The following CASP5 variants were observed in gnomAD, a reference collection of about 807,000 sequenced individuals.
The protein encoded by CASP5 is caspase-5.
Under a neutral mutation model 45.2 loss-of-function variants are expected in CASP5, and 42 were observed. The observed-to-expected ratio is 0.93, with a 90% CI of 0.73 to 1.20. CASP5 has a LOEUF of 1.20. CASP5 is among the 50% of genes most tolerant of loss of function. The pLI, the probability that CASP5 is intolerant of heterozygous loss-of-function variation, is 0.00. For missense variants in CASP5, 512 were observed against 532.2 expected (o/e 0.96, Z 0.37); for synonymous variants, 209 against 186.2 (o/e 1.12, Z -1.00).
intron 6 of CASP5, among the ~76,000 whole-genome samples, chr11:104,999,592 A>AC (rs1214288880): frequency 6.6e-6 from 1 of 152,148 alleles, no homozygotes; most frequent in African/African-American, 2.4e-5. Context: ...ATACATACAG[A>AC]CCCACACACA....
intron 1 of CASP5, among the ~76,000 whole-genome samples, chr11:105,018,045 C>A (rs1358924952): frequency 1.3e-5 from 2 of 151,720 alleles, no homozygotes; most frequent in Non-Finnish European, 2.9e-5. Context: ...AATTTCATAT[C>A]CAGCCAAACT....
intron 4 of CASP5, 51 bp from the exon 5 acceptor site, chr11:105,002,252 C>T (rs769228574): frequency 6.4e-7 from 1 of 1,573,646 alleles, no homozygotes; most frequent in African/African-American, 1.4e-5. Flanking sequence ...CTCTTTTCAA[C>T]CCCCATATGC....
intron 2 of CASP5, 21 bp downstream of exon 2, chr11:105,008,786 T>G: frequency 6.5e-7 from 1 of 1,546,936 alleles, no homozygotes; most frequent in Non-Finnish European, 8.9e-7. Context: ...GAAATATCCA[T>G]TGTAAAATAT....
chr11:104,997,608 A>C, intron 7 of CASP5, 116 bp from the exon 8 acceptor site: 2 of 577,798 alleles, frequency 3.5e-6, no homozygotes, highest in East Asian at 6.1e-5. Flanking sequence ...AATCCCTTAT[A>C]ACCAAACATT....
At chr11:105,009,708 T>C (rs1862175923) in intron 1 of CASP5, among the ~76,000 whole-genome samples, 1 of 70,238 alleles carries the variant, frequency 1.4e-5, no homozygotes, top group Non-Finnish European at 2.8e-5. Context: ...CCAGGAGATA[T>C]ATATATACAC....
At chr11:104,996,172 T>A (rs1159264358) in intron 8 of CASP5, among the ~76,000 whole-genome samples, 1 of 152,166 alleles carries the variant, frequency 6.6e-6, no homozygotes, top group Non-Finnish European at 1.5e-5. Flanking sequence ...ATGGAAGATT[T>A]AGTACTTTCA....
chr11:105,020,341 C>G (rs947760150), intron 1 of CASP5, among the ~76,000 whole-genome samples: 1 of 151,870 alleles, frequency 6.6e-6, no homozygotes, highest in African/African-American at 2.4e-5. Flanking sequence ...AAAGGGTATT[C>G]AATTAGGAAA....
At chr11:105,004,102 C>T (rs1018543590) in intron 3 of CASP5, among the ~76,000 whole-genome samples, 14 of 151,994 alleles carry the variant, frequency 9.2e-5, no homozygotes, top group African/African-American at 3.4e-4. Context: ...AATAATTATT[C>T]TAGAAGAAAT....
At chr11:105,004,806 C>G (rs1423700593) in intron 3 of CASP5, among the ~76,000 whole-genome samples, 1 of 152,102 alleles carries the variant, frequency 6.6e-6, no homozygotes, top group East Asian at 1.9e-4. Flanking sequence ...TAAACAGTGA[C>G]AGATGCTTTT....
intron 1 of CASP5, among the ~76,000 whole-genome samples, chr11:105,015,331 G>C (rs574214929): frequency 6.6e-6 from 1 of 152,100 alleles, no homozygotes; most frequent in East Asian, 1.9e-4. Context: ...AAGAGATACC[G>C]ATCACACAGT....
intron 7 of CASP5, among the ~76,000 whole-genome samples, chr11:104,998,522 TA>T (rs1861571727): frequency 6.6e-6 from 1 of 152,146 alleles, no homozygotes; most frequent in Non-Finnish European, 1.5e-5. Context: ...AGACAGCCAG[TA>T]CTGGGATCCA....
rs901488168 is a variant in CASP5, at chr11:105,008,376, T to A, written c.181+431A>T. Among the ~76,000 whole-genome samples, 18 of 152,068 alleles carry A rather than the reference T, an allele frequency of 1.2e-4. 1 individual carries two copies. The highest frequency in any genetic ancestry group is 3.1e-4 in the African/African-American group (13 of 41,430). ...TAATATCTTGGGAGTTATTGGCATG[T>A]TGATGCCAGCCAACACAATGTTTCT... is the stretch of plus-strand genomic sequence containing the variant. On this transcript the variant is annotated intron_variant, in intron 2 of 9. Transcript: ENST00000260315.
chr11:105,009,766 CACACGTATAT>C (rs1265674277), intron 1 of CASP5, among the ~76,000 whole-genome samples: 2,844 of 78,442 alleles, frequency 0.036, 169 homozygotes, highest in African/African-American at 0.12. Context: ...TATACACACA[CACACGTATAT>C]ATATATATAT....
chr11:105,000,358 C>A lies in CASP5; in HGVS notation c.855G>T (p.Val285=), dbSNP rs1861665169. The change falls in exon 6 of 10, where the codon GTG becomes GTT. Residue 285 remains valine, a synonymous_variant. Transcript: ENST00000260315. ...TCTGGAAGATGGTGTCATAAAGCAG[C>A]ACATCCGGTTTTTTCTTTTTATGCG... ...GTAHKKKKPD[V]LLYDTIFQIF... 1 of 1,614,100 alleles carries A rather than the reference C, an allele frequency of 6.2e-7. No homozygotes were observed. The highest frequency in any genetic ancestry group is 1.3e-5 in the African/African-American group (1 of 74,930).
Position 105,000,412 on chromosome 11 carries a change from A to G in CASP5, c.801T>C (p.His267=). 1.9e-6 allele frequency: 3 copies of G among 1,614,172 alleles called. No individual in the cohort carries two copies. The highest frequency in any genetic ancestry group is 2.5e-6 in the Non-Finnish European group (3 of 1,180,022). ...SDSTFLVLMS[H]GILEGICGTA... ...TTCCGCAGATTCCCTCTAGGATGCC[A>G]TGAGACATGAGTACCAAGAACGTGC... The change falls in exon 6 of 10, where the codon CAT becomes CAC. Residue 267 remains histidine (H), a synonymous_variant. Transcript: ENST00000260315.
chr11:105,003,345 C>G lies in CASP5; in HGVS notation c.472G>C (p.Glu158Gln), dbSNP rs1349753731. 1.2e-6 allele frequency: 2 copies of G among 1,603,704 alleles called. No individual in the cohort carries two copies. The highest frequency in any genetic ancestry group is 3.4e-5 in the Admixed American group (2 of 58,420). Residue 158 changes from glutamate to glutamine, a missense_variant, in exon 4 of 10, where the codon GAA becomes CAA. Physicochemically the swap from Glu to Gln is conservative, Grantham distance 29. Coordinates refer to ENST00000260315, the MANE Select transcript of CASP5 (RefSeq NM_004347.5). ...QIEAGPPESA[E>Q]STNILKLCPR... ...CAAAGTTTGAGTATATTTGTAGATTCTGCTGACTCAGGTGGTCCAGCCTCG... is the reference window on the plus strand; with the variant it reads ...CAAAGTTTGAGTATATTTGTAGATTGTGCTGACTCAGGTGGTCCAGCCTCG...
At position 105,002,205 on chromosome 11, in the gene CASP5, C is replaced by T. The variant is rs1861773575; in HGVS notation, c.544-4G>A. Reference sequence around the variant, plus strand: ...CTCTCTTTTTTATTGGATAGATCTGCAGGAGATGGAGATGAAGCAACTTTG... The same window carrying T: ...CTCTCTTTTTTATTGGATAGATCTGTAGGAGATGGAGATGAAGCAACTTTG... On this transcript the variant is annotated splice_region_variant and splice_polypyrimidine_tract_variant and intron_variant, in intron 4 of 9. Coordinates refer to ENST00000260315, the MANE Select transcript of CASP5 (RefSeq NM_004347.5). 6.2e-7 allele frequency: 1 copy of T among 1,612,812 alleles called. No homozygotes were observed. The highest frequency in any genetic ancestry group is 8.5e-7 in the Non-Finnish European group (1 of 1,179,526).
intron 1 of CASP5, among the ~76,000 whole-genome samples, chr11:105,020,604 T>G (rs1327135567): frequency 6.7e-6 from 1 of 150,374 alleles, no homozygotes; most frequent in African/African-American, 2.5e-5. Context: ...TTACAAGGGA[T>G]GTGAAGGACC....
rs759787592 is a variant in CASP5, at chr11:105,000,213, C to G, written c.952+48G>C. Reference sequence around the variant, plus strand: ...TAAATATAAACCAAACATCACAATCCTCTGCATACACCTTCAAAACTGTTA... The same window carrying G: ...TAAATATAAACCAAACATCACAATCGTCTGCATACACCTTCAAAACTGTTA... On this transcript the variant is annotated intron_variant, in intron 6 of 9. Coordinates refer to ENST00000260315, the MANE Select transcript of CASP5 (RefSeq NM_004347.5). 3 of 1,587,196 alleles carry G rather than the reference C, an allele frequency of 1.9e-6. No individual in the cohort carries two copies. The South Asian group carries it at 3.3e-5, about 18-fold the overall frequency.
Sources: allele counts gnomAD v4.1 joint callset (sites outside exome capture counted in the v4.1 genomes callset), GRCh38; gene constraint gnomAD v4.1.1; transcripts MANE v1.5; gene names NCBI Gene and HGNC (gene_info 2026-07-23, HGNC 2026-07-21).